Variants in MRTFB observed in about 807,000 individuals in gnomAD.
The protein encoded by MRTFB is myocardin-related transcription factor B.
In MRTFB, 29 loss-of-function variants were observed where a neutral mutation model predicts 104.2. That is an observed-to-expected ratio of 0.28 (90% CI 0.21 to 0.38). The LOEUF is 0.38. Ranked by LOEUF, MRTFB falls within the 10% of genes least tolerant of loss-of-function variation. MRTFB has a pLI of 1.00. For synonymous variants in MRTFB, 535 were observed against 519.5 expected (o/e 1.03, Z -0.41); for missense variants, 1,270 against 1,341.6 (o/e 0.95, Z 0.83).
At chr16:14,226,958 G>T (rs2118707) in intron 8 of MRTFB, among the ~76,000 whole-genome samples, 129,583 of 151,940 alleles carry the variant, frequency 0.85, 55,973 homozygotes, top group Non-Finnish European at 0.93. Flanking sequence ...CCAGCCTGGG[G>T]GACAGAGCGA....
intron 3 of MRTFB, among the ~76,000 whole-genome samples, chr16:14,180,218 C>T (rs1006522512): frequency 1.3e-5 from 2 of 152,176 alleles, no homozygotes; most frequent in African/African-American, 2.4e-5. Context: ...TAACATGTCC[C>T]CAGTGCATAG....
intron 3 of MRTFB, chr16:14,141,053 A>G: frequency 3.2e-6 from 1 of 316,776 alleles, no homozygotes; most frequent in Non-Finnish European, 6.0e-6. Flanking sequence ...GGCATTGGAA[A>G]GTAGGTTCCT....
At chr16:14,235,220 G>C (rs2042444095) in intron 9 of MRTFB, among the ~76,000 whole-genome samples, 3 of 152,222 alleles carry the variant, frequency 2.0e-5, no homozygotes, top group Admixed American at 2.0e-4. Context: ...CCCTGTCCTT[G>C]ACCTTTCTGG....
intron 3 of MRTFB, among the ~76,000 whole-genome samples, chr16:14,156,717 CTT>C (rs2038841418): frequency 1.3e-5 from 2 of 152,116 alleles, no homozygotes; most frequent in African/African-American, 4.8e-5. Context: ...ATTATTTTCT[CTT>C]ATAGAAATAT....
chr16:14,043,803 GC>G, the MRTFB span, among the ~76,000 whole-genome samples: 8 of 152,292 alleles, frequency 5.3e-5, no homozygotes, highest in African/African-American at 1.9e-4. Context: ...TCTCCTACAT[GC>G]CCACCTTGGG....
the MRTFB span, among the ~76,000 whole-genome samples, chr16:14,043,310 T>C: frequency 4.7e-4 from 71 of 152,280 alleles, no homozygotes; most frequent in African/African-American, 1.6e-3. Context: ...CATGCATACA[T>C]GTTAACAGCA....
intron 10 of MRTFB, among the ~76,000 whole-genome samples, chr16:14,243,832 C>G (rs2042886636): frequency 6.8e-6 from 1 of 147,000 alleles, no homozygotes; most frequent in South Asian, 2.2e-4. Flanking sequence ...ATCCTGACTT[C>G]TATCCCCAGA....
At chr16:14,073,261 C>G (rs976246472) in intron 1 of MRTFB, among the ~76,000 whole-genome samples, 28 of 152,178 alleles carry the variant, frequency 1.8e-4, no homozygotes, top group African/African-American at 6.5e-4. Context: ...TTATACAGAT[C>G]TGTCCCACCT....
chr16:14,023,522 C>G, the MRTFB span, among the ~76,000 whole-genome samples: 1 of 151,558 alleles, frequency 6.6e-6, no homozygotes, highest in African/African-American at 2.4e-5. Context: ...AAGCTCTGTG[C>G]TTCAGTTTCA....
intron 3 of MRTFB, among the ~76,000 whole-genome samples, chr16:14,183,562 G>A (rs28432737): frequency 0.088 from 13,427 of 151,828 alleles, 1,217 homozygotes; most frequent in African/African-American, 0.23. Flanking sequence ...CGACTAAGCA[G>A]TCATCAATAT....
chr16:14,195,086 A>G (rs2040374310), intron 3 of MRTFB, among the ~76,000 whole-genome samples: 1 of 152,182 alleles, frequency 6.6e-6, no homozygotes, highest in South Asian at 2.1e-4. Context: ...ATGCATGATC[A>G]TCTGCTAGAG....
At chr16:14,042,647 C>G in the MRTFB span, among the ~76,000 whole-genome samples, 1 of 152,118 alleles carries the variant, frequency 6.6e-6, no homozygotes, top group Non-Finnish European at 1.5e-5. Flanking sequence ...ATGTCCTTCC[C>G]CATAAGTTCC....
intron 1 of MRTFB, 115 bp from the exon 2 acceptor site, chr16:14,079,175 C>A: frequency 8.5e-5 from 21 of 246,034 alleles, no homozygotes; most frequent in Non-Finnish European, 1.3e-4. Context: ...ATTTTAATAA[C>A]TTCGATTTTG....
chr16:14,005,995 A>G, the MRTFB span, among the ~76,000 whole-genome samples: 1 of 151,316 alleles, frequency 6.6e-6, no homozygotes, highest in African/African-American at 2.4e-5. Flanking sequence ...GTCACTTGAG[A>G]TCAGGAGTTG....
intron 2 of MRTFB, among the ~76,000 whole-genome samples, chr16:14,128,297 G>C (rs1475862411): frequency 1.3e-5 from 2 of 152,100 alleles, no homozygotes; most frequent in African/African-American, 4.8e-5. Flanking sequence ...TGGCCTCCCT[G>C]ACCTCAAAAG....
chr16:14,242,711 C>T (rs1174795601), intron 10 of MRTFB, among the ~76,000 whole-genome samples: 1 of 152,202 alleles, frequency 6.6e-6, no homozygotes, highest in Non-Finnish European at 1.5e-5. Flanking sequence ...GCAGGTCTCT[C>T]ATCTGCCGAT....
intron 6 of MRTFB, among the ~76,000 whole-genome samples, chr16:14,214,463 A>G (rs1420059391): frequency 1.3e-5 from 2 of 152,186 alleles, no homozygotes; most frequent in Admixed American, 1.3e-4. Context: ...AGTTAGGTTG[A>G]TATTACCAAG....
the MRTFB span, among the ~76,000 whole-genome samples, chr16:13,995,739 G>C: frequency 6.6e-6 from 1 of 152,134 alleles, no homozygotes; most frequent in Non-Finnish European, 1.5e-5. Flanking sequence ...TCCCTGGCTG[G>C]AGAAGGAGGA....
intron 1 of MRTFB, among the ~76,000 whole-genome samples, chr16:14,078,240 A>G (rs1280237861): frequency 6.6e-6 from 1 of 152,222 alleles, no homozygotes; most frequent in Non-Finnish European, 1.5e-5. Context: ...AACTGTGTTC[A>G]TCCTGCACAC....
Sources: allele counts gnomAD v4.1 joint callset (sites outside exome capture counted in the v4.1 genomes callset), GRCh38; gene constraint gnomAD v4.1.1; transcripts MANE v1.5; gene names NCBI Gene and HGNC (gene_info 2026-07-23, HGNC 2026-07-21).